ARID5B: variants seen among roughly 807,000 people sequenced by gnomAD.
ARID5B encodes the protein AT-rich interaction domain 5B, also known as AT-rich interactive domain-containing protein 5B.
In ARID5B, 13 loss-of-function variants were observed where a neutral mutation model predicts 97.2. That is an observed-to-expected ratio of 0.13 (90% confidence interval 0.09 to 0.21). The LOEUF is 0.21. ARID5B is among the 10% of genes least tolerant of loss of function. The probability of loss-of-function intolerance (pLI) is 1.00; values close to 1 mark genes in which losing one functional copy is unlikely to be tolerated. For synonymous variants in ARID5B, 556 were observed against 570.3 expected, an observed-to-expected ratio of 0.97 and a Z score of 0.36; for missense variants, 1,210 against 1,465.3, an observed-to-expected ratio of 0.83 and a Z score of 2.84.
At chr10:61,911,414 G>A (rs1843801668) in intron 2 of ARID5B, among the ~76,000 whole-genome samples, 1 of 152,132 alleles carries the variant, frequency 6.6e-6, no homozygotes, top group Non-Finnish European at 1.5e-5. Context: ...TCAAAAATAT[G>A]CATATGATAT....
At chr10:62,072,168 C>T (rs1248502841) in intron 8 of ARID5B, among the ~76,000 whole-genome samples, 2 of 152,136 alleles carry the variant, frequency 1.3e-5, no homozygotes, top group Non-Finnish European at 1.5e-5. Context: ...ACTGATGCTT[C>T]GGGAGCTCAG....
intron 4 of ARID5B, among the ~76,000 whole-genome samples, chr10:62,012,137 A>G (rs1839225935): frequency 6.6e-6 from 1 of 152,212 alleles, no homozygotes; most frequent in African/African-American, 2.4e-5. Context: ...AGCATGTACC[A>G]TATGTCAGGC....
At position 61,999,825 on chromosome 10, in the gene ARID5B, A is replaced by G. The variant is rs548183283; in HGVS notation, c.503-266A>G. ...TTGGGTCCTACTGCTTGCTGATGAC[A>G]CAAACATTACTTACTGTGTCTAGAG... On this transcript the variant is annotated intron_variant, in intron 3 of 9. Coordinates refer to ENST00000279873, the MANE Select transcript of ARID5B (RefSeq NM_032199.3). Among the ~76,000 whole-genome samples, 6 of 152,250 alleles carry G rather than the reference A, an allele frequency of 3.9e-5. No individual in the cohort carries two copies. In the South Asian group the frequency reaches 8.3e-4, roughly 21 times the overall value.
rs71508905 is a variant in ARID5B, at chr10:62,087,172, A to C, written c.1398+1272A>C. 2.6e-5 allele frequency among the ~76,000 whole-genome samples: 4 copies of C among 150,984 alleles called. 1 individual carries two copies. The East Asian group carries it at 7.9e-4, about 30-fold the overall frequency. On this transcript the variant is annotated intron_variant, in intron 9 of 9. Coordinates refer to ENST00000279873, the MANE Select transcript of ARID5B (RefSeq NM_032199.3). ...AAATTAGCCAGGCGTGGTGGTGGGC[A>C]CCTGTAGTCCCAGCTACTCAGGAGG...
chr10:61,964,519 T>G (rs1017485551), intron 3 of ARID5B, among the ~76,000 whole-genome samples: 1 of 152,186 alleles, frequency 6.6e-6, no homozygotes, highest in African/African-American at 2.4e-5. Flanking sequence ...TCATCTGCAG[T>G]GTGAACATAG....
intron 3 of ARID5B, among the ~76,000 whole-genome samples, chr10:61,959,255 T>C (rs1174613508): frequency 6.6e-6 from 1 of 152,246 alleles, no homozygotes; most frequent in African/African-American, 2.4e-5. Context: ...CAATTTCTCC[T>C]GAAGGCAATG....
chr10:61,990,440 C>T (rs999004439), intron 3 of ARID5B, among the ~76,000 whole-genome samples: 4 of 152,224 alleles, frequency 2.6e-5, no homozygotes, highest in Non-Finnish European at 4.4e-5. Context: ...TCTCCAGATT[C>T]CTTCAGCCTT....
At chr10:61,923,182 G>A (rs543492741) in intron 2 of ARID5B, among the ~76,000 whole-genome samples, 3 of 152,262 alleles carry the variant, frequency 2.0e-5, no homozygotes, top group East Asian at 3.9e-4. Context: ...CATGTACCAC[G>A]TTTCTCCCAG....
rs1840463667 is a variant in ARID5B, at chr10:62,095,964, T to C, written c.*2934T>C. The C allele has an allele frequency of 4.3e-6, 1 of 232,218 alleles. No homozygotes were observed. The highest frequency in any genetic ancestry group is 8.5e-6 in the Non-Finnish European group (1 of 117,416). 14.4% of individuals were successfully genotyped at this position (232,218 alleles called of 1,614,324 possible). On this transcript the variant is annotated 3_prime_UTR_variant, in exon 10 of 10. Transcript: ENST00000279873. ...CTAAGTCTGTGATTTATTGGAGATT[T>C]GGAGATTCTAAATAATATTTTTAAA...
chr10:61,947,071 A>T (rs2132806183), intron 3 of ARID5B, among the ~76,000 whole-genome samples: 1 of 152,336 alleles, frequency 6.6e-6, no homozygotes, highest in Non-Finnish European at 1.5e-5. Context: ...CATTCGTTAA[A>T]GAATTTTATC....
intron 3 of ARID5B, among the ~76,000 whole-genome samples, chr10:61,984,834 A>AT (rs1838825234): frequency 6.6e-6 from 1 of 152,054 alleles, no homozygotes; most frequent in Non-Finnish European, 1.5e-5. Context: ...GGGACAGGAG[A>AT]TTCTCCTCTC....
At chr10:62,042,641 G>T (rs1024708027) in intron 4 of ARID5B, among the ~76,000 whole-genome samples, 1 of 152,182 alleles carries the variant, frequency 6.6e-6, no homozygotes, top group East Asian at 1.9e-4. Context: ...GCTGTGCGTC[G>T]TGGCTCACGC....
chr10:62,072,643 A>G (rs1434205116), intron 8 of ARID5B, among the ~76,000 whole-genome samples: 1 of 152,178 alleles, frequency 6.6e-6, no homozygotes, highest in African/African-American at 2.4e-5. Context: ...AAGGTCCTTT[A>G]CCTTTCCTTG....
At chr10:62,086,709 A>ACAAAAAAAC (rs1554851218) in intron 9 of ARID5B, among the ~76,000 whole-genome samples, 1 of 113,978 alleles carries the variant, frequency 8.8e-6, no homozygotes, top group Non-Finnish European at 1.8e-5. Context: ...AAAAAAAAAA[A>ACAAAAAAAC]AAATATCAGG....
intron 3 of ARID5B, among the ~76,000 whole-genome samples, chr10:61,974,532 C>T: frequency 6.6e-6 from 1 of 152,096 alleles, no homozygotes; most frequent in Non-Finnish European, 1.5e-5. Flanking sequence ...GTTCACATAA[C>T]CATTTATTTA....
chr10:62,081,488 T>G (rs1202806809), intron 8 of ARID5B, among the ~76,000 whole-genome samples: 3 of 152,236 alleles, frequency 2.0e-5, no homozygotes, highest in African/African-American at 7.2e-5. Flanking sequence ...AGATTTGACA[T>G]TATTTTTCCT....
intron 4 of ARID5B, among the ~76,000 whole-genome samples, chr10:62,034,310 TTC>T (rs1839534043): frequency 6.6e-6 from 1 of 152,210 alleles, no homozygotes; most frequent in Non-Finnish European, 1.5e-5. Context: ...TCACTGTATT[TTC>T]TTCTCAATTG....
At chr10:61,996,529 G>GA (rs1008458274) in intron 3 of ARID5B, among the ~76,000 whole-genome samples, 1 of 151,124 alleles carries the variant, frequency 6.6e-6, no homozygotes, top group Non-Finnish European at 1.5e-5. Context: ...ATCTCTTAAA[G>GA]AAAAAAAAGG....
chr10:62,084,885 G>T (rs954147431), intron 8 of ARID5B, among the ~76,000 whole-genome samples: 6 of 152,060 alleles, frequency 3.9e-5, no homozygotes, highest in African/African-American at 1.4e-4. Context: ...TCGCTGGGGC[G>T]GTCTTTTACT....
Sources: allele counts gnomAD v4.1 joint callset (sites outside exome capture counted in the v4.1 genomes callset), GRCh38; gene constraint gnomAD v4.1.1; transcripts MANE v1.5; gene names NCBI Gene and HGNC (gene_info 2026-07-23, HGNC 2026-07-21).